HERC1: variants seen among roughly 807,000 people sequenced by gnomAD.
The protein encoded by HERC1 is probable E3 ubiquitin-protein ligase HERC1.
HERC1 carries 160 observed loss-of-function variants against 554.3 expected under a neutral mutation model. That is an observed-to-expected ratio of 0.29 (90% CI 0.25 to 0.33). HERC1 has a LOEUF of 0.33. HERC1 is among the 10% of genes least tolerant of loss of function. The probability of loss-of-function intolerance (pLI) is 1.00; values close to 1 mark genes in which losing one functional copy is unlikely to be tolerated. For missense variants in HERC1, 4,919 were observed against 5,918.5 expected (o/e 0.83, Z 5.54); for synonymous variants, 2,175 against 2,131.7 (o/e 1.02, Z -0.56).
In HERC1 at chr15:63,798,095, TA is replaced by T. The variant is rs142434922; in HGVS notation, c.-26-22447del. 1.5e-3 allele frequency among the ~76,000 whole-genome samples: 235 copies of T among 152,270 alleles called. 7 individuals are homozygous for T. In the East Asian group the frequency reaches 0.036, roughly 23 times the overall value. ...CCCCACCCAACCTCACTAAAGCACT[TA>T]TTTTAGAGAAGTGTGACACTACCAC... is the stretch of plus-strand genomic sequence containing the variant. On this transcript the variant is annotated intron_variant, in intron 1 of 77. Coordinates refer to ENST00000443617, the MANE Select transcript of HERC1 (RefSeq NM_003922.4).
intron 55 of HERC1, 84 bp downstream of exon 55, chr15:63,647,985 C>G (rs1335356285): frequency 2.8e-6 from 3 of 1,084,530 alleles, no homozygotes; most frequent in African/African-American, 3.2e-5. Flanking sequence ...CTTAAAATCT[C>G]TGACTTCTCC....
intron 1 of HERC1, among the ~76,000 whole-genome samples, chr15:63,777,842 T>A (rs531829782): frequency 2.0e-4 from 30 of 152,302 alleles, no homozygotes; most frequent in African/African-American, 7.2e-4. Context: ...AGATTTTTTT[T>A]AAAAACCTGA....
At chr15:63,730,284 A>G (rs1164641793) in intron 14 of HERC1, among the ~76,000 whole-genome samples, 2 of 151,536 alleles carry the variant, frequency 1.3e-5, no homozygotes, top group African/African-American at 2.4e-5. Flanking sequence ...GCAAGACTTC[A>G]CCTCTAAAAA....
intron 19 of HERC1, 65 bp downstream of exon 19, chr15:63,723,117 G>T: frequency 4.1e-6 from 4 of 975,006 alleles, no homozygotes; most frequent in South Asian, 3.8e-5. Flanking sequence ...TACATATATT[G>T]CATATATATT....
intron 71 of HERC1, 38 bp downstream of exon 71, chr15:63,625,947 C>T (rs754413826): frequency 1.3e-6 from 2 of 1,582,136 alleles, no homozygotes; most frequent in South Asian, 2.3e-5. Flanking sequence ...CTTACCAAGC[C>T]AGTCTGTGCC....
At chr15:63,810,592 C>G (rs140372880) in intron 1 of HERC1, among the ~76,000 whole-genome samples, 1 of 151,928 alleles carries the variant, frequency 6.6e-6, no homozygotes, top group African/African-American at 2.4e-5. Flanking sequence ...CTTTTTTATA[C>G]TATGTAAGTT....
chr15:63,745,488 T>A (rs1338999712), intron 12 of HERC1, among the ~76,000 whole-genome samples: 1 of 152,208 alleles, frequency 6.6e-6, no homozygotes, highest in Non-Finnish European at 1.5e-5. Flanking sequence ...GCTCCCTCTG[T>A]GCACAGGTGT....
chr15:63,734,869 G>C lies in HERC1; in HGVS notation c.2521-20C>G, dbSNP rs78084910. ...TACCACCTAATATCAAAAGAGAAAA[G>C]TATACTGATTGGCCTGGTTCTTAGT... On this transcript the variant is annotated intron_variant, in intron 12 of 77. Coordinates refer to ENST00000443617, the MANE Select transcript of HERC1 (RefSeq NM_003922.4). The surrounding 1 kb of genome is among the most constrained non-coding windows in gnomAD (Gnocchi z 4.6). 7 of 1,602,306 alleles carry C rather than the reference G, an allele frequency of 4.4e-6. No individual in the cohort carries two copies. The highest frequency in any genetic ancestry group is 6.0e-6 in the Non-Finnish European group (7 of 1,173,676).
chr15:63,699,758 A>G lies in HERC1; in HGVS notation c.4637-762T>C, dbSNP rs540092092. Reference sequence around the variant, plus strand: ...TTGCCAGTGGGTATTTTTTAAGCTAAAATCTTTACATTAGACAGCAAAATG... The same window carrying G: ...TTGCCAGTGGGTATTTTTTAAGCTAGAATCTTTACATTAGACAGCAAAATG... On this transcript the variant is annotated intron_variant, in intron 25 of 77. Transcript: ENST00000443617. Among the ~76,000 whole-genome samples the G allele has an allele frequency of 5.1e-4, 62 of 122,632 alleles. No homozygotes were observed. In the South Asian group the frequency reaches 0.014, roughly 27 times the overall value. 80.5% of individuals were successfully genotyped at this position (122,632 alleles called of 152,430 possible). A position where few individuals can be genotyped will look rare whatever the true frequency, so the allele number is the denominator to read the frequency against.
intron 14 of HERC1, among the ~76,000 whole-genome samples, chr15:63,731,919 T>C (rs1036429964): frequency 1.3e-5 from 2 of 152,166 alleles, no homozygotes; most frequent in African/African-American, 4.8e-5. Context: ...AGGAAATACG[T>C]GTACAATGTA....
chr15:63,759,738 T>C (rs2075546811), intron 3 of HERC1, among the ~76,000 whole-genome samples: 1 of 152,104 alleles, frequency 6.6e-6, no homozygotes, highest in Admixed American at 6.6e-5. Context: ...GTTTTTTGGT[T>C]TTGCTGAATC....
Position 63,774,680 on chromosome 15 carries a change from C to A in HERC1, c.930+14G>T. ...ACTATTATGAACTTTAAAGTTGAGA[C>A]TTATAGTACGTACCAAAGAACGCCT... On this transcript the variant is annotated intron_variant, in intron 2 of 77. Transcript: ENST00000443617. 1 of 1,565,404 alleles carries A rather than the reference C, an allele frequency of 6.4e-7. No individual in the cohort carries two copies. The highest frequency in any genetic ancestry group is 8.7e-7 in the Non-Finnish European group (1 of 1,155,532).
intron 34 of HERC1, among the ~76,000 whole-genome samples, chr15:63,685,728 A>G (rs2071721874): frequency 6.6e-6 from 1 of 152,200 alleles, no homozygotes; most frequent in Non-Finnish European, 1.5e-5. Flanking sequence ...GAGATAAAGG[A>G]GTAGACTGTG....
intron 34 of HERC1, among the ~76,000 whole-genome samples, chr15:63,681,165 G>A (rs1284448198): frequency 2.0e-5 from 3 of 151,086 alleles, no homozygotes; most frequent in Non-Finnish European, 3.0e-5. Flanking sequence ...TTAAGCCTGA[G>A]ACTAGGTGTA....
intron 1 of HERC1, among the ~76,000 whole-genome samples, chr15:63,814,372 C>T (rs2077425282): frequency 6.6e-6 from 1 of 151,200 alleles, no homozygotes; most frequent in Non-Finnish European, 1.5e-5. Context: ...GCACACACTA[C>T]TCTTCTTTAA....
At chr15:63,698,669 T>C in intron 26 of HERC1, 59 bp downstream of exon 26, 2 of 1,512,206 alleles carry the variant, frequency 1.3e-6, no homozygotes, top group South Asian at 2.5e-5. Flanking sequence ...AACTATACAT[T>C]CAATGGTTCA....
intron 76 of HERC1, among the ~76,000 whole-genome samples, chr15:63,613,220 T>C (rs953289353): frequency 6.6e-6 from 1 of 152,238 alleles, no homozygotes; most frequent in African/African-American, 2.4e-5. Context: ...GCTGCTCTCA[T>C]GTGGCTCTGA....
chr15:63,790,077 A>G (rs1001891994), intron 1 of HERC1, among the ~76,000 whole-genome samples: 2 of 152,114 alleles, frequency 1.3e-5, no homozygotes, highest in African/African-American at 4.8e-5. Context: ...CCCATGGCTC[A>G]ATTTCCTTAT....
chr15:63,612,337 A>G lies in HERC1; in HGVS notation c.14314T>C (p.Phe4772Leu). The G allele has an allele frequency of 1.2e-6, 2 of 1,614,042 alleles. No individual in the cohort carries two copies. Among genetic ancestry groups the G allele is most frequent in the Non-Finnish European group, 1.7e-6 (2 of 1,179,890 alleles). ...GATCTTCCTGACACAAACCTCATGAAAAGCACCCGCTCCTCATTGGAGAAC... is the reference window on the plus strand; with the variant it reads ...GATCTTCCTGACACAAACCTCATGAGAAGCACCCGCTCCTCATTGGAGAAC... ...EEFSNEERVLFMRFVSGRSRL... is the reference protein window; with the variant it reads ...EEFSNEERVLLMRFVSGRSRL... The change falls in exon 77 of 78, where the codon TTC (phenylalanine) becomes CTC (leucine). Residue 4772 changes from phenylalanine to leucine, a missense_variant. Physicochemically the swap from Phe to Leu is conservative, Grantham distance 22. Coordinates refer to ENST00000443617, the MANE Select transcript of HERC1 (RefSeq NM_003922.4). This position sits in a 1 kb window ranked among gnomAD's most constrained non-coding sequence, Gnocchi z 5.0.
Sources: gnomAD v4.1 joint callset for allele counts (sites outside exome capture counted in the v4.1 genomes callset) on GRCh38, gnomAD v4.1.1 for gene constraint, Gnocchi (gnomAD v3.1) non-coding constraint, MANE v1.5 for transcripts, NCBI Gene and HGNC (gene_info 2026-07-23, HGNC 2026-07-21) for gene names.